The following FAM135B variants were observed in gnomAD, a reference collection of about 807,000 sequenced individuals.
FAM135B encodes the protein family with sequence similarity 135 member B, also known as protein FAM135B.
Under a neutral mutation model 127.7 loss-of-function variants are expected in FAM135B, and 43 were observed. That is an observed-to-expected ratio of 0.34 (90% confidence interval 0.26 to 0.43). FAM135B has a LOEUF of 0.43. Ranked by LOEUF, FAM135B falls within the 20% of genes least tolerant of loss-of-function variation. The pLI is 1.00. For missense variants in FAM135B, 1,558 were observed against 1,725.6 expected, an observed-to-expected ratio of 0.90 and a Z score of 1.72; for synonymous variants, 670 against 665.1, an observed-to-expected ratio of 1.01 and a Z score of -0.11.
intron 1 of FAM135B, among the ~76,000 whole-genome samples, chr8:138,434,069 G>A (rs1835340365): frequency 6.6e-6 from 1 of 152,096 alleles, no homozygotes; most frequent in Admixed American, 6.6e-5. Flanking sequence ...CTCTAACTCT[G>A]GGCACACATT....
intron 1 of FAM135B, among the ~76,000 whole-genome samples, chr8:138,426,742 AT>A (rs1834911693): frequency 3.3e-5 from 5 of 151,968 alleles, no homozygotes; most frequent in Admixed American, 3.3e-4. Flanking sequence ...TTAAGAATCT[AT>A]TAAGAGTAGA....
intron 1 of FAM135B, among the ~76,000 whole-genome samples, chr8:138,484,293 T>A (rs1370279844): frequency 1.3e-5 from 2 of 152,162 alleles, no homozygotes; most frequent in East Asian, 3.9e-4. Context: ...AGGCAAGCAA[T>A]CTTGAGTAAA....
intron 2 of FAM135B, among the ~76,000 whole-genome samples, chr8:138,324,682 C>T (rs1229519229): frequency 1.3e-5 from 2 of 152,086 alleles, no homozygotes; most frequent in Non-Finnish European, 2.9e-5. Flanking sequence ...ATATTAATAT[C>T]CTTTCAGAAA....
At chr8:138,283,632 A>G (rs966425748) in intron 3 of FAM135B, among the ~76,000 whole-genome samples, 3 of 152,140 alleles carry the variant, frequency 2.0e-5, no homozygotes, top group East Asian at 1.9e-4. Context: ...TGATGCACCA[A>G]TGTAACAAAT....
At chr8:138,157,282 T>C (rs996328616) in intron 12 of FAM135B, among the ~76,000 whole-genome samples, 2 of 152,174 alleles carry the variant, frequency 1.3e-5, no homozygotes, top group South Asian at 4.1e-4. Flanking sequence ...AACTAGGTAT[T>C]GATGGGACAT....
rs147832983 is a variant in FAM135B, at chr8:138,253,970, T to C, written c.368+2719A>G. ...TTCCTGTTCCTCTTAGCTAATCTTA[T>C]AGTTCATGAAATCCCTTGCTCTGAT... On this transcript the variant is annotated intron_variant, in intron 5 of 19. Coordinates refer to ENST00000395297, the MANE Select transcript of FAM135B (RefSeq NM_015912.4). Among the ~76,000 whole-genome samples the C allele has an allele frequency of 3.7e-3, 565 of 152,322 alleles. 1 individual carries two copies. The highest frequency in any genetic ancestry group is 0.013 in the African/African-American group (524 of 41,578).
At chr8:138,485,789 AG>A (rs1302837259) in intron 1 of FAM135B, among the ~76,000 whole-genome samples, 5 of 152,152 alleles carry the variant, frequency 3.3e-5, no homozygotes, top group Admixed American at 2.0e-4. Flanking sequence ...ACTGGGCCAG[AG>A]GAATCCAGGC....
At chr8:138,462,021 A>G (rs1258208988) in intron 1 of FAM135B, among the ~76,000 whole-genome samples, 1 of 152,104 alleles carries the variant, frequency 6.6e-6, no homozygotes, top group Non-Finnish European at 1.5e-5. Flanking sequence ...CAATTATCCA[A>G]GGTTGGCTTG....
chr8:138,181,082 T>A (rs1459826551), intron 9 of FAM135B, among the ~76,000 whole-genome samples: 7 of 145,660 alleles, frequency 4.8e-5, no homozygotes, highest in Non-Finnish European at 6.0e-5. Context: ...CTACTAAAAA[T>A]AAAAAAAAAA....
intron 7 of FAM135B, among the ~76,000 whole-genome samples, chr8:138,224,991 A>G (rs1819306272): frequency 6.6e-6 from 1 of 152,222 alleles, no homozygotes. Context: ...AGTTTCAGTT[A>G]GCCTGAAGGA....
rs191521022 is a variant in FAM135B, at chr8:138,452,526, C to T, written c.-20+44145G>A. 3.3e-5 allele frequency among the ~76,000 whole-genome samples: 5 copies of T among 152,242 alleles called. No homozygotes were observed. The East Asian group carries it at 7.7e-4, about 24-fold the overall frequency. On this transcript the variant is annotated intron_variant, in intron 1 of 19. Coordinates refer to ENST00000395297, the MANE Select transcript of FAM135B (RefSeq NM_015912.4). The stretch of plus-strand genomic sequence containing the variant: ...TCCACACCAAGACACAAAGAAGTGG[C>T]GCGAGCTTCAGCTTCTACATAGACA...
In FAM135B at chr8:138,399,728, A is replaced by G. The variant is rs181484508; in HGVS notation, c.-19-31726T>C. On this transcript the variant is annotated intron_variant, in intron 1 of 19. Transcript: ENST00000395297. ...TTAATACTAAATAATAGAATGAACA[A>G]TAGCCCCTACCTAATAACTCCCCAG... Among the ~76,000 whole-genome samples, 672 of 152,348 alleles carry G rather than the reference A, an allele frequency of 4.4e-3. 7 individuals carry two copies. The highest frequency in any genetic ancestry group is 6.0e-3 in the Non-Finnish European group (409 of 68,034).
At chr8:138,391,593 GAGC>G (rs771936903) in intron 1 of FAM135B, among the ~76,000 whole-genome samples, 1 of 152,096 alleles carries the variant, frequency 6.6e-6, no homozygotes, top group East Asian at 1.9e-4. Context: ...CCTCTGAAAG[GAGC>G]AGGCTAGCTG....
At chr8:138,200,534 A>C (rs1586755179) in intron 7 of FAM135B, among the ~76,000 whole-genome samples, 1 of 152,140 alleles carries the variant, frequency 6.6e-6, no homozygotes, top group South Asian at 2.1e-4. Context: ...AAAGGCCGAT[A>C]CTCTTATTTT....
chr8:138,400,578 T>C (rs1833101751), intron 1 of FAM135B, among the ~76,000 whole-genome samples: 1 of 152,160 alleles, frequency 6.6e-6, no homozygotes, highest in Admixed American at 6.5e-5. Context: ...ACTCCTACTC[T>C]CCTAGCAGAA....
intron 1 of FAM135B, among the ~76,000 whole-genome samples, chr8:138,455,494 A>G (rs1836725133): frequency 6.6e-6 from 1 of 152,226 alleles, no homozygotes; most frequent in African/African-American, 2.4e-5. Flanking sequence ...AGTGCCAGAC[A>G]TTGTTCTGAG....
At chr8:138,396,582 A>C (rs187035368) in intron 1 of FAM135B, among the ~76,000 whole-genome samples, 3 of 152,172 alleles carry the variant, frequency 2.0e-5, no homozygotes, top group African/African-American at 7.2e-5. Flanking sequence ...TTTTACAGCA[A>C]TTGTGTGTAT....
intron 12 of FAM135B, among the ~76,000 whole-genome samples, chr8:138,165,105 A>C (rs1819780634): frequency 6.8e-6 from 1 of 147,270 alleles, no homozygotes; most frequent in African/African-American, 2.6e-5. Context: ...GAATGAATTT[A>C]TTTATTTATT....
At chr8:138,491,302 T>C (rs1465870632) in intron 1 of FAM135B, among the ~76,000 whole-genome samples, 1 of 151,982 alleles carries the variant, frequency 6.6e-6, no homozygotes. Context: ...ACAAAGAAAG[T>C]GAACAGCAGA....
Sources: allele counts gnomAD v4.1 joint callset (sites outside exome capture counted in the v4.1 genomes callset), GRCh38; gene constraint gnomAD v4.1.1; transcripts MANE v1.5; gene names NCBI Gene and HGNC (gene_info 2026-07-23, HGNC 2026-07-21).